Variants in NEDD4L observed in about 807,000 individuals in gnomAD.
NEDD4L encodes E3 ubiquitin-protein ligase NEDD4-like.
NEDD4L carries 54 observed loss-of-function variants against 148.9 expected under a neutral mutation model. That is an observed-to-expected ratio of 0.36 (90% CI 0.29 to 0.45). The LOEUF (loss-of-function observed/expected upper bound fraction) is 0.45, where lower values mean the gene tolerates loss of function less well. NEDD4L is among the 20% of genes least tolerant of loss of function. NEDD4L has a pLI of 1.00. For synonymous variants in NEDD4L, 433 were observed against 440.7 expected (o/e 0.98, Z 0.22); for missense variants, 856 against 1,233.8 (o/e 0.69, Z 4.59).
At chr18:58,143,108 C>T (rs908223835) in intron 1 of NEDD4L, among the ~76,000 whole-genome samples, 2 of 152,210 alleles carry the variant, frequency 1.3e-5, no homozygotes, top group African/African-American at 4.8e-5. Flanking sequence ...TCCTTTAGTG[C>T]CAGGTACTGG....
intron 1 of NEDD4L, among the ~76,000 whole-genome samples, chr18:58,152,110 A>G (rs1413183631): frequency 1.4e-5 from 1 of 71,464 alleles, no homozygotes; most frequent in South Asian, 3.5e-4. Flanking sequence ...AGAAAAATTA[A>G]AAAAAAAAAC....
intron 1 of NEDD4L, among the ~76,000 whole-genome samples, chr18:58,052,732 A>G (rs968322004): frequency 2.0e-5 from 3 of 151,836 alleles, no homozygotes; most frequent in African/African-American, 4.8e-5. Context: ...TTGGGAGGCC[A>G]GGGCAGGCAG....
intron 5 of NEDD4L, among the ~76,000 whole-genome samples, chr18:58,315,061 G>T (rs1427489793): frequency 1.3e-5 from 2 of 152,270 alleles, no homozygotes; most frequent in African/African-American, 4.8e-5. Context: ...CTGGCTATGG[G>T]GCTGGTCTCA....
At chr18:58,182,128 G>T (rs1189683982) in intron 2 of NEDD4L, among the ~76,000 whole-genome samples, 1 of 152,158 alleles carries the variant, frequency 6.6e-6, no homozygotes. Context: ...AGGGGCAGGG[G>T]AAAGAGTCCA....
intron 2 of NEDD4L, among the ~76,000 whole-genome samples, chr18:58,203,177 G>C (rs1180739046): frequency 6.6e-6 from 1 of 152,064 alleles, no homozygotes; most frequent in African/African-American, 2.4e-5. Flanking sequence ...GTGTTGCCCA[G>C]GCTGGTCTAG....
chr18:58,362,174 A>G lies in NEDD4L; in HGVS notation c.1768-2094A>G, dbSNP rs561198095. 3.5e-3 allele frequency among the ~76,000 whole-genome samples: 528 copies of G among 152,354 alleles called. 3 individuals are homozygous for G. The highest frequency in any genetic ancestry group is 0.014 in the Middle Eastern group (4 of 294). Reference sequence around the variant, plus strand: ...AGACAGAGCAGGCAAGGGAACGGGCATCATAGGCTGGGGGCCACATGTTGA... The same window carrying G: ...AGACAGAGCAGGCAAGGGAACGGGCGTCATAGGCTGGGGGCCACATGTTGA... On this transcript the variant is annotated intron_variant, in intron 19 of 30. Coordinates refer to ENST00000400345, the MANE Select transcript of NEDD4L (RefSeq NM_001144967.3).
chr18:58,200,145 G>A (rs2041225732), intron 2 of NEDD4L, among the ~76,000 whole-genome samples: 1 of 152,178 alleles, frequency 6.6e-6, no homozygotes, highest in Non-Finnish European at 1.5e-5. Flanking sequence ...TCTCTGCTCA[G>A]GGTAGCCATG....
At chr18:58,068,590 A>C (rs962107274) in intron 1 of NEDD4L, among the ~76,000 whole-genome samples, 1 of 152,202 alleles carries the variant, frequency 6.6e-6, no homozygotes, top group Non-Finnish European at 1.5e-5. Context: ...AAAATGATTT[A>C]CTTGCAAAGT....
intron 23 of NEDD4L, among the ~76,000 whole-genome samples, chr18:58,371,328 C>T (rs1252987904): frequency 6.6e-6 from 1 of 150,414 alleles, no homozygotes; most frequent in African/African-American, 2.5e-5. Flanking sequence ...GCTGGGATTA[C>T]AGGTGTGAGC....
At chr18:58,390,806 G>T in intron 29 of NEDD4L, 64 bp downstream of exon 29, 1 of 1,213,988 alleles carries the variant, frequency 8.2e-7, no homozygotes, top group Non-Finnish European at 1.2e-6. Flanking sequence ...ATGAACTCTG[G>T]CCCAAGAACC....
At chr18:58,354,999 C>T (rs1030473620) in intron 18 of NEDD4L, among the ~76,000 whole-genome samples, 2 of 152,170 alleles carry the variant, frequency 1.3e-5, no homozygotes, top group African/African-American at 2.4e-5. Flanking sequence ...GCTAGTGTGC[C>T]GCAGGGGCGC....
chr18:58,370,588 C>A, intron 23 of NEDD4L, 121 bp downstream of exon 23: 1 of 708,900 alleles, frequency 1.4e-6, no homozygotes, highest in Non-Finnish European at 2.6e-6. Flanking sequence ...ATGTGAACAA[C>A]AGGAGACATT....
At chr18:58,204,447 T>C (rs928770682) in intron 2 of NEDD4L, among the ~76,000 whole-genome samples, 2 of 152,352 alleles carry the variant, frequency 1.3e-5, no homozygotes, top group Middle Eastern at 3.4e-3. Context: ...ATTTTGCTTT[T>C]GGTGTATATG....
At chr18:58,296,980 G>A (rs910245240) in intron 5 of NEDD4L, among the ~76,000 whole-genome samples, 9 of 152,120 alleles carry the variant, frequency 5.9e-5, no homozygotes, top group Non-Finnish European at 8.8e-5. Flanking sequence ...CCAGCTACTT[G>A]GGAGGCTGAG....
At chr18:58,210,859 A>G (rs1335998224) in intron 2 of NEDD4L, among the ~76,000 whole-genome samples, 3 of 152,094 alleles carry the variant, frequency 2.0e-5, no homozygotes, top group Non-Finnish European at 4.4e-5. Context: ...TAACAAATAG[A>G]CTCTTGGGTG....
At chr18:58,214,857 G>A in intron 2 of NEDD4L, among the ~76,000 whole-genome samples, 1 of 147,738 alleles carries the variant, frequency 6.8e-6, no homozygotes. Flanking sequence ...TGTCACCCAG[G>A]CTGGAGTGCA....
intron 1 of NEDD4L, among the ~76,000 whole-genome samples, chr18:58,158,332 C>T (rs1357357922): frequency 6.6e-6 from 1 of 152,232 alleles, no homozygotes; most frequent in Non-Finnish European, 1.5e-5. Flanking sequence ...ACTGTCACCT[C>T]TTCCATATTC....
chr18:58,163,688 G>T (rs139515538), intron 1 of NEDD4L, among the ~76,000 whole-genome samples: 1 of 152,178 alleles, frequency 6.6e-6, no homozygotes, highest in Non-Finnish European at 1.5e-5. Flanking sequence ...GTTCTTTACC[G>T]TATTATGAGG....
At chr18:58,139,481 C>T (rs915140447) in intron 1 of NEDD4L, among the ~76,000 whole-genome samples, 2 of 152,066 alleles carry the variant, frequency 1.3e-5, no homozygotes, top group African/African-American at 4.8e-5. Flanking sequence ...ATAATCCTAT[C>T]AACATTCTAT....
Sources: allele counts gnomAD v4.1 joint callset (sites outside exome capture counted in the v4.1 genomes callset), GRCh38; gene constraint gnomAD v4.1.1; transcripts MANE v1.5; gene names NCBI Gene and HGNC (gene_info 2026-07-23, HGNC 2026-07-21).